Variants in DPP4 observed in about 807,000 individuals in gnomAD.
DPP4 encodes the protein dipeptidyl peptidase 4, also known as ADCP-2.
Under a neutral mutation model 122.4 loss-of-function variants are expected in DPP4, and 93 were observed. The observed-to-expected ratio is 0.76, with a 90% CI of 0.64 to 0.90. The LOEUF (loss-of-function observed/expected upper bound fraction) is 0.90, where lower values mean the gene tolerates loss of function less well. DPP4 is among the 40% of genes least tolerant of loss of function. DPP4 has a pLI of 0.00. For missense variants in DPP4, 914 were observed against 907.3 expected, an observed-to-expected ratio of 1.01 and a Z score of -0.09; for synonymous variants, 321 against 302.9, an observed-to-expected ratio of 1.06 and a Z score of -0.62.
chr2:162,021,328 A>G (rs1302722917), intron 12 of DPP4: 6 of 152,232 alleles, frequency 3.9e-5, no homozygotes, highest in African/African-American at 1.4e-4. Flanking sequence ...GTATAGAAAT[A>G]TAGAACAAAT....
chr2:162,004,355 T>C (rs1467062682), intron 23 of DPP4, among the ~76,000 whole-genome samples: 2 of 152,100 alleles, frequency 1.3e-5, no homozygotes, highest in African/African-American at 4.8e-5. Context: ...AATGAGTGTC[T>C]AAAGCAGCTT....
At chr2:162,039,345 T>A (rs1683906301) in intron 5 of DPP4, among the ~76,000 whole-genome samples, 161 bp from the exon 6 acceptor site, 1 of 151,986 alleles carries the variant, frequency 6.6e-6, no homozygotes, top group African/African-American at 2.4e-5. Context: ...TTCAGAAGTA[T>A]CCTAGAGATC....
At chr2:162,073,923 G>A in intron 1 of DPP4, 53 bp downstream of exon 1, 10 of 1,605,936 alleles carry the variant, frequency 6.2e-6, no homozygotes, top group Non-Finnish European at 2.6e-6. Context: ...TGGGGAGTTT[G>A]GCGAAGAGGT....
intron 2 of DPP4, among the ~76,000 whole-genome samples, chr2:162,059,892 G>A (rs147061433): frequency 9.2e-5 from 14 of 152,260 alleles, no homozygotes; most frequent in Admixed American, 2.0e-4. Context: ...TAATAATTAC[G>A]CATTCTTATG....
chr2:161,992,862 A>G lies in DPP4; in HGVS notation c.*421T>C, dbSNP rs112022443. 342 of 164,014 alleles carry G rather than the reference A, an allele frequency of 2.1e-3. 1 individual carries two copies. The highest frequency in any genetic ancestry group is 8.0e-3 in the African/African-American group (332 of 41,720). The allele number at this position is 164,014 out of a possible 1,614,324, so 10.2% of individuals were successfully genotyped here. A position where few individuals can be genotyped will look rare whatever the true frequency, so the allele number is the denominator to read the frequency against. The stretch of plus-strand genomic sequence containing the variant: ...CATGCCCTGCTATCTTCTCTCCCTA[A>G]TCCCTCTTATCCTGTCCCTGCCCTA... On this transcript the variant is annotated 3_prime_UTR_variant, in exon 26 of 26. Coordinates refer to ENST00000360534, the MANE Select transcript of DPP4 (RefSeq NM_001935.4).
rs1553665261 is a variant in DPP4 at position 162,033,658 on chromosome 2, G to C, written c.775-5C>G. On this transcript the variant is annotated splice_region_variant and splice_polypyrimidine_tract_variant and intron_variant, in intron 9 of 25. Transcript: ENST00000360534. ...AGTTGGATTCACAGCTCCTGCCTAGGAAAAAATAATCACAGAATTGGTATT... is the reference window on the plus strand; with the variant it reads ...AGTTGGATTCACAGCTCCTGCCTAGCAAAAAATAATCACAGAATTGGTATT... 1.3e-6 allele frequency: 2 copies of C among 1,559,028 alleles called. No homozygotes were observed. The highest frequency in any genetic ancestry group is 2.4e-5 in the South Asian group (2 of 84,350).
intron 10 of DPP4, among the ~76,000 whole-genome samples, chr2:162,028,455 T>A (rs1343449116): frequency 6.6e-6 from 1 of 152,222 alleles, no homozygotes; most frequent in Non-Finnish European, 1.5e-5. Flanking sequence ...AGCAGGATTA[T>A]CATCTATGCT....
At position 162,009,280 on chromosome 2, in the gene DPP4, C is replaced by T. The variant is rs781320023; in HGVS notation, c.1848G>A (p.Met616Ile). 2 of 1,613,644 alleles carry T rather than the reference C, an allele frequency of 1.2e-6. No individual in the cohort carries two copies. The highest frequency in any genetic ancestry group is 1.7e-5 in the Admixed American group (1 of 59,960). Residue 616 changes from methionine (M) to isoleucine (I), a missense_variant, in exon 21 of 26, where the codon ATG (methionine) becomes ATA (isoleucine). Met to Ile is a conservative substitution (Grantham distance 10). Coordinates refer to ENST00000360534, the MANE Select transcript of DPP4 (RefSeq NM_001935.4). ...QIEAARQFSK[M>I]GFVDNKRIAI... ...CAATTCGTTTGTTGTCCACAAATCC[C>T]ATTTTTGAAAATTGTCTAAAACACA...
intron 1 of DPP4, chr2:162,073,712 T>C: frequency 1.5e-6 from 1 of 667,588 alleles, no homozygotes; most frequent in Non-Finnish European, 2.6e-6. Context: ...CGTTGGTTTC[T>C]CTACCCCTGC....
At position 162,047,390 on chromosome 2, in the gene DPP4, A is replaced by G. The variant is rs751700679; in HGVS notation, c.193+13T>C. On this transcript the variant is annotated intron_variant, in intron 3 of 25. Transcript: ENST00000360534. ...GTAAGCATAAAATCTGCCCTACCCC[A>G]AAAAATTCTTACCTGAAATCCATCT... The G allele has an allele frequency of 6.7e-7, 1 of 1,500,010 alleles. No individual in the cohort carries two copies. The highest frequency in any genetic ancestry group is 1.8e-5 in the Admixed American group (1 of 56,756). The allele number at this position is 1,500,010 out of a possible 1,614,324, so 92.9% of individuals were successfully genotyped here. A position where few individuals can be genotyped will look rare whatever the true frequency, so the allele number is the denominator to read the frequency against.
chr2:162,037,993 T>TTTTCCAGAG (rs1683840376), intron 8 of DPP4, among the ~76,000 whole-genome samples: 3 of 152,182 alleles, frequency 2.0e-5, no homozygotes, highest in Non-Finnish European at 2.9e-5. Context: ...AAATATCTGA[T>TTTTCCAGAG]GTTAATCTGG....
chr2:162,024,037 G>T (rs868269553), intron 11 of DPP4, among the ~76,000 whole-genome samples: 4 of 152,202 alleles, frequency 2.6e-5, no homozygotes, highest in African/African-American at 9.7e-5. Context: ...GAGGCTCCAG[G>T]TCTGGGAGGT....
At position 162,045,599 on chromosome 2, in the gene DPP4, T is replaced by G; in HGVS notation, c.299A>C (p.His100Pro). 1 of 1,612,318 alleles carries G rather than the reference T, an allele frequency of 6.2e-7. No individual in the cohort carries two copies. Residue 100 changes from histidine (H) to proline (P), a missense_variant, in exon 5 of 26, where the codon CAT (histidine) becomes CCT (proline). Coordinates refer to ENST00000360534, the MANE Select transcript of DPP4 (RefSeq NM_001935.4). ...AGATATTGAATAATCATTGATAGAA[T>G]GTCCAAACTCATCCTGTCAAACAAG... ...LENSTFDEFG[H>P]SINDYSISPD...
At chr2:162,027,264 T>C (rs1475643915) in intron 10 of DPP4, among the ~76,000 whole-genome samples, 2 of 151,764 alleles carry the variant, frequency 1.3e-5, no homozygotes, top group African/African-American at 2.4e-5. Flanking sequence ...GGCAGGAGAA[T>C]TGCTTGAACC....
chr2:162,032,865 A>G (rs530736944), intron 10 of DPP4, among the ~76,000 whole-genome samples: 2 of 152,324 alleles, frequency 1.3e-5, no homozygotes, highest in South Asian at 2.1e-4. Context: ...AACCACTGAC[A>G]TGATTTCAGG....
At chr2:162,012,759 C>T (rs910455693) in intron 19 of DPP4, among the ~76,000 whole-genome samples, 1 of 151,382 alleles carries the variant, frequency 6.6e-6, no homozygotes, top group Non-Finnish European at 1.5e-5. Flanking sequence ...TTAAATATGT[C>T]ATCTTTGCAC....
intron 10 of DPP4, chr2:162,032,348 G>A (rs560976960): frequency 3.9e-5 from 6 of 152,200 alleles, no homozygotes; most frequent in Non-Finnish European, 7.3e-5. Context: ...GATAATCCCT[G>A]TGTCTGGTAC....
rs931109067 is a variant in DPP4, at chr2:162,024,788, C to A, written c.1023+16G>T. 1 of 1,612,158 alleles carries A rather than the reference C, an allele frequency of 6.2e-7. No homozygotes were observed. Among genetic ancestry groups the A allele is most frequent in the East Asian group, 2.2e-5 (1 of 44,872 alleles). On this transcript the variant is annotated intron_variant, in intron 11 of 25. Coordinates refer to ENST00000360534, the MANE Select transcript of DPP4 (RefSeq NM_001935.4). ...ACATGTTGCTCTAGAAGCAGAACAT[C>A]CCCATTCAGTCTCACCACTAAGCAG...
At chr2:162,012,880 T>C (rs1208468661) in intron 19 of DPP4, among the ~76,000 whole-genome samples, 2 of 152,154 alleles carry the variant, frequency 1.3e-5, no homozygotes, top group African/African-American at 4.8e-5. Context: ...AAGTTCTGCT[T>C]ACATGCCTTT....
Sources: allele counts gnomAD v4.1 joint callset (sites outside exome capture counted in the v4.1 genomes callset), GRCh38; gene constraint gnomAD v4.1.1; transcripts MANE v1.5; gene names NCBI Gene and HGNC (gene_info 2026-07-23, HGNC 2026-07-21).